The following KIF13B variants were observed in gnomAD, a reference collection of about 807,000 sequenced individuals.
KIF13B encodes kinesin family member 13B, also known as kinesin-like protein KIF13B.
Under a neutral mutation model 222.0 loss-of-function variants are expected in KIF13B, and 127 were observed. That is an observed-to-expected ratio of 0.57 (90% CI 0.50 to 0.66). The LOEUF (loss-of-function observed/expected upper bound fraction) is 0.66, where lower values mean the gene tolerates loss of function less well. KIF13B is among the 30% of genes least tolerant of loss of function. The pLI, the probability that KIF13B is intolerant of heterozygous loss-of-function variation, is 0.00. For synonymous variants in KIF13B, 976 were observed against 919.0 expected (o/e 1.06, Z -1.12); for missense variants, 2,173 against 2,379.0 (o/e 0.91, Z 1.80).
intron 11 of KIF13B, 132 bp from the exon 12 acceptor site, chr8:29,165,904 T>TTCGAATGTAGATCGAAGTACC: frequency 1.8e-6 from 1 of 567,658 alleles, no homozygotes; most frequent in Non-Finnish European, 3.1e-6. Context: ...TGACATCTAC[T>TTCGAATGTAGATCGAAGTACC]TCGATTGTAG....
At chr8:29,162,107 C>T (rs1455807002) in intron 12 of KIF13B, among the ~76,000 whole-genome samples, 2 of 152,156 alleles carry the variant, frequency 1.3e-5, no homozygotes, top group Non-Finnish European at 2.9e-5. Flanking sequence ...ACCAGATGCT[C>T]TGTAGTTAGG....
At chr8:29,121,447 C>A (rs574585250) in intron 29 of KIF13B, among the ~76,000 whole-genome samples, 43 of 52,106 alleles carry the variant, frequency 8.3e-4, no homozygotes, top group South Asian at 4.6e-3. Context: ...GAAAAACAAG[C>A]AATGGGGAAA....
At chr8:29,234,493 G>A (rs1438012858) in intron 2 of KIF13B, among the ~76,000 whole-genome samples, 1 of 148,414 alleles carries the variant, frequency 6.7e-6, no homozygotes, top group African/African-American at 2.5e-5. Context: ...AATGGTGGTT[G>A]CCCAGGCCTA....
intron 32 of KIF13B, among the ~76,000 whole-genome samples, chr8:29,111,014 A>G (rs955567871): frequency 6.6e-6 from 1 of 152,234 alleles, no homozygotes; most frequent in Admixed American, 6.5e-5. Flanking sequence ...GACACATTCT[A>G]CTTCAAAGAT....
chr8:29,085,823 C>A (rs1308767262), intron 37 of KIF13B, among the ~76,000 whole-genome samples: 2 of 109,290 alleles, frequency 1.8e-5, no homozygotes, highest in East Asian at 5.2e-4. Flanking sequence ...GCACTCCAGC[C>A]TGGGTGACAG....
intron 13 of KIF13B, among the ~76,000 whole-genome samples, chr8:29,159,534 T>C (rs1171137894): frequency 3.3e-5 from 5 of 152,168 alleles, no homozygotes; most frequent in South Asian, 4.1e-4. Context: ...GAATGTGGGA[T>C]CTTTTCTATT....
At chr8:29,190,298 A>T (rs1586903418) in intron 4 of KIF13B, 1 of 152,390 alleles carries the variant, frequency 6.6e-6, no homozygotes, top group South Asian at 2.1e-4. Flanking sequence ...TTGTCAAATC[A>T]CATTTCTAAT....
At position 29,159,253 on chromosome 8, in the gene KIF13B, C is replaced by T. The variant is rs955783926; in HGVS notation, c.1404+1480G>A. ...GCAACCTCCACCTCTTAGGTTCAAG[C>T]GATTGGCCTGCCTCAACCTCTCAAG... On this transcript the variant is annotated intron_variant, in intron 13 of 39. Coordinates refer to ENST00000524189, the MANE Select transcript of KIF13B (RefSeq NM_015254.4). Among the ~76,000 whole-genome samples, 10 of 152,110 alleles carry T rather than the reference C, an allele frequency of 6.6e-5. No homozygotes were observed. In the East Asian group the frequency reaches 1.5e-3, roughly 23 times the overall value.
At chr8:29,253,565 A>T (rs973827261) in intron 1 of KIF13B, among the ~76,000 whole-genome samples, 1 of 152,040 alleles carries the variant, frequency 6.6e-6, no homozygotes, top group African/African-American at 2.4e-5. Flanking sequence ...CTAAACAAAT[A>T]AACAGTTTAA....
intron 13 of KIF13B, among the ~76,000 whole-genome samples, chr8:29,157,477 T>C (rs1342932927): frequency 1.4e-5 from 2 of 139,330 alleles, no homozygotes; most frequent in Non-Finnish European, 3.1e-5. Flanking sequence ...CTGAGGTGGG[T>C]GGATCACTCA....
At chr8:29,249,113 T>C (rs1034074729) in intron 1 of KIF13B, among the ~76,000 whole-genome samples, 1 of 152,166 alleles carries the variant, frequency 6.6e-6, no homozygotes, top group African/African-American at 2.4e-5. Flanking sequence ...AAACTGTTTG[T>C]TTCCCTTATC....
chr8:29,132,396 AT>A lies in KIF13B; in HGVS notation c.2853del (p.Tyr952MetfsTer5). 6.3e-7 allele frequency: 1 copy of A among 1,596,022 alleles called. No individual in the cohort carries two copies. Among genetic ancestry groups the A allele is most frequent in the East Asian group, 2.3e-5 (1 of 43,748 alleles). On this transcript the variant is annotated frameshift_variant, in exon 23 of 40. Transcript: ENST00000524189. LOFTEE classifies it high-confidence loss of function. ...CGGGGATCGTTTATTTTATGTCCAT[AT>A]ACTTCAATTGCCAATGCTCCTTCGG... The part of the protein sequence containing the change: ...HLSEGALAIE[V>X]YGHKINDPRK...
At chr8:29,076,799 G>A (rs868582482) in intron 37 of KIF13B, among the ~76,000 whole-genome samples, 7 of 152,134 alleles carry the variant, frequency 4.6e-5, no homozygotes, top group South Asian at 4.1e-4. Flanking sequence ...GAAACGCAGC[G>A]ATCAGGCTTA....
chr8:29,146,206 CT>C, intron 18 of KIF13B, 171 bp downstream of exon 18: 1 of 674,446 alleles, frequency 1.5e-6, no homozygotes, highest in South Asian at 1.7e-5. Flanking sequence ...TATACATACA[CT>C]CAAAGGTAGA....
rs933585247 is a variant in KIF13B, at chr8:29,067,694, T to A, written c.*2810A>T. On this transcript the variant is annotated 3_prime_UTR_variant, in exon 40 of 40. Transcript: ENST00000524189. ...CGTGCGCACAGCCACCAACACACACTCTCAGGACTTCCCGTTTCACATACA... is the reference window on the plus strand; with the variant it reads ...CGTGCGCACAGCCACCAACACACACACTCAGGACTTCCCGTTTCACATACA... The A allele has an allele frequency of 4.6e-5, 7 of 152,296 alleles. No homozygotes were observed. Among genetic ancestry groups the A allele is most frequent in the African/African-American group, 1.7e-4 (7 of 41,444 alleles). 9.4% of individuals were successfully genotyped at this position (152,296 alleles called of 1,614,324 possible).
At chr8:29,147,290 T>C (rs1480923213) in intron 17 of KIF13B, 102 bp downstream of exon 17, 1 of 838,500 alleles carries the variant, frequency 1.2e-6, no homozygotes, top group Non-Finnish European at 1.8e-6. Context: ...CATAATTCTT[T>C]TGTAAGCACC....
intron 12 of KIF13B, among the ~76,000 whole-genome samples, chr8:29,161,735 A>C (rs1395371823): frequency 6.7e-6 from 1 of 150,336 alleles, no homozygotes; most frequent in Non-Finnish European, 1.5e-5. Context: ...CAAACAAACA[A>C]AACAAACGTT....
intron 29 of KIF13B, 27 bp downstream of exon 29, chr8:29,122,564 G>A: frequency 6.3e-7 from 1 of 1,586,534 alleles, no homozygotes; most frequent in South Asian, 1.1e-5. Flanking sequence ...TCAGAGGTAA[G>A]CCTTCAGAAA....
chr8:29,145,856 T>C (rs1043263123), intron 18 of KIF13B: 3 of 146,884 alleles, frequency 2.0e-5, no homozygotes, highest in African/African-American at 7.6e-5. Flanking sequence ...ATGGCAAAGA[T>C]AGAAGATTGT....
Sources: allele counts gnomAD v4.1 joint callset (sites outside exome capture counted in the v4.1 genomes callset), GRCh38; gene constraint gnomAD v4.1.1; transcripts MANE v1.5; gene names NCBI Gene and HGNC (gene_info 2026-07-23, HGNC 2026-07-21).